Variants in VPS37D observed in about 807,000 individuals in gnomAD.
VPS37D encodes VPS37D subunit of ESCRT-I.
A neutral mutation model predicts 22.0 loss-of-function variants in VPS37D; 5 were observed. The observed-to-expected ratio is 0.23, with a 90% CI of 0.12 to 0.48. The LOEUF (loss-of-function observed/expected upper bound fraction) is 0.48. Among genes scored for constraint, VPS37D ranks in the 20% least tolerant of loss-of-function variants. The pLI is 0.99. For synonymous variants in VPS37D, 174 were observed against 159.3 expected (o/e 1.09, Z -0.69); for missense variants, 384 against 345.8 (o/e 1.11, Z -0.88).
Position 73,669,524 on chromosome 7 carries a change from C to T in VPS37D, c.244C>T (p.Leu82=), listed in dbSNP as rs782561467. The change falls in exon 2 of 4, where the codon CTG becomes TTG. Residue 82 remains leucine, a synonymous_variant. Coordinates refer to ENST00000324941, the MANE Select transcript of VPS37D (RefSeq NM_001077621.2). ...CCGCCTGGAGATGGGCCGGGCTGCC[C>T]TGGCCATCAAATACCAGGAGCTTCG... The part of the protein sequence containing the change: ...RPRLEMGRAA[L]AIKYQELREV... The T allele has an allele frequency of 2.3e-4, 367 of 1,586,010 alleles. 1 individual carries two copies. Among genetic ancestry groups the T allele is most frequent in the Non-Finnish European group, 2.9e-4 (341 of 1,166,538 alleles).
chr7:73,669,571 G>A lies in VPS37D; in HGVS notation c.291G>A (p.Ala97=), dbSNP rs61743138. ...TTCGTGAGGTGGCCGAGAACTGCGC[G>A]GACAAGCTGCAGCGACTGGGTGAGG... ...QELREVAENC[A]DKLQRLEESM... Residue 97 remains alanine, a synonymous_variant, in exon 2 of 4, where the codon GCG becomes GCA. Coordinates refer to ENST00000324941, the MANE Select transcript of VPS37D (RefSeq NM_001077621.2). The A allele has an allele frequency of 3.9e-4, 626 of 1,591,756 alleles. 2 individuals are homozygous for A. In the African/African-American group the frequency reaches 6.4e-3, roughly 16 times the overall value.
rs1797422818 is a variant in VPS37D at position 73,668,102 on chromosome 7, G to A, written c.138+6G>A. 4.6e-6 allele frequency: 5 copies of A among 1,098,286 alleles called. No individual in the cohort carries two copies. The highest frequency in any genetic ancestry group is 4.2e-5 in the South Asian group (1 of 23,588). The allele number at this position is 1,098,286 out of a possible 1,614,324, so 68.0% of individuals were successfully genotyped here. A position where few individuals can be genotyped will look rare whatever the true frequency, so the allele number is the denominator to read the frequency against. On this transcript the variant is annotated splice_donor_region_variant and intron_variant, in intron 1 of 3. Transcript: ENST00000324941. ...TCGTGCGGCTCAGCAGGAAGGTAGCGCGGGGGGCTCGAGCGGGGGGCGCGG... is the reference window on the plus strand; with the variant it reads ...TCGTGCGGCTCAGCAGGAAGGTAGCACGGGGGGCTCGAGCGGGGGGCGCGG...
Position 73,671,439 on chromosome 7 carries a change from TC to T in VPS37D, c.*68del. Reference sequence around the variant, plus strand: ...AAACTTGATGCGTGGCTCCTCCTCCTCCCCCACTGCCTGGGTGGGGGGAGGG... The same window carrying T: ...AAACTTGATGCGTGGCTCCTCCTCCTCCCCACTGCCTGGGTGGGGGGAGGG... On this transcript the variant is annotated 3_prime_UTR_variant, in exon 4 of 4. Transcript: ENST00000324941. The T allele has an allele frequency of 5.5e-6, 5 of 901,200 alleles. No individual in the cohort carries two copies. The South Asian group carries it at 8.4e-5, about 15-fold the overall frequency. 55.8% of individuals were successfully genotyped at this position (901,200 alleles called of 1,614,324 possible). A position where few individuals can be genotyped will look rare whatever the true frequency, so the allele number is the denominator to read the frequency against.
At chr7:73,665,818 T>C (rs74921870), upstream of VPS37D, among the ~76,000 whole-genome samples, 2,191 of 152,284 alleles carry the variant, frequency 0.014, 53 homozygotes, top group African/African-American at 0.05. Context: ...CTTTGTACTT[T>C]TGTAGCAGTG....
intron 3 of VPS37D, 85 bp from the exon 4 acceptor site, chr7:73,670,929 A>C: frequency 6.6e-7 from 1 of 1,524,290 alleles, no homozygotes; most frequent in Non-Finnish European, 8.8e-7. Context: ...CACCATGGGG[A>C]GGGCCTCAGG....
Position 73,667,969 on chromosome 7 carries a change from C to T in VPS37D, c.11C>T (p.Ala4Val), listed in dbSNP as rs1477553464. 7.8e-5 allele frequency: 83 copies of T among 1,063,810 alleles called. No individual in the cohort carries two copies. The highest frequency in any genetic ancestry group is 8.6e-5 in the Non-Finnish European group (76 of 880,814). The allele number at this position is 1,063,810 out of a possible 1,614,324, so 65.9% of individuals were successfully genotyped here. Reference protein sequence around the residue: MYRARAARAGPEPG... With the variant: MYRVRAARAGPEPG... ...GCGCGGGCGGGCGGCATGTACCGGG[C>T]CCGGGCGGCGCGGGCGGGGCCGGAG... Residue 4 changes from alanine to valine, a missense_variant, in exon 1 of 4, where the codon GCC becomes GTC. Ala to Val is a moderately conservative substitution (Grantham distance 64). Transcript: ENST00000324941.
chr7:73,667,674 G>A (rs1554608888), upstream of VPS37D, among the ~76,000 whole-genome samples: 1 of 152,180 alleles, frequency 6.6e-6, no homozygotes, highest in African/African-American at 2.4e-5. Context: ...CAGATTCCGG[G>A]AGGGGCGGGG....
intron 3 of VPS37D, 50 bp from the exon 4 acceptor site, chr7:73,670,964 C>T (rs782465985): frequency 3.1e-6 from 5 of 1,589,046 alleles, no homozygotes; most frequent in Non-Finnish European, 4.3e-6. Flanking sequence ...GGACCAGTCC[C>T]CAGTCTGTGG....
At chr7:73,667,276 T>C (rs1282289262), upstream of VPS37D, among the ~76,000 whole-genome samples, 1 of 151,014 alleles carries the variant, frequency 6.6e-6, no homozygotes, top group Non-Finnish European at 1.5e-5. Flanking sequence ...GCCCGGCCTC[T>C]TTTCACCCTT....
intron 2 of VPS37D, 77 bp from the exon 3 acceptor site, chr7:73,669,943 A>G: frequency 6.5e-7 from 1 of 1,547,432 alleles, no homozygotes; most frequent in South Asian, 1.2e-5. Flanking sequence ...GGAAATATAG[A>G]ATCACATGGG....
intron 2 of VPS37D, among the ~76,000 whole-genome samples, 180 bp from the exon 3 acceptor site, chr7:73,669,840 C>T (rs983182002): frequency 7.2e-5 from 11 of 152,104 alleles, no homozygotes; most frequent in African/African-American, 2.4e-4. Context: ...TGTACTAGGA[C>T]GAGGAGCAGA....
rs1797419062 is a variant in VPS37D, at chr7:73,667,966, G to C, written c.8G>C (p.Arg3Pro). The C allele has an allele frequency of 9.5e-7, 1 of 1,054,214 alleles. No homozygotes were observed. Among genetic ancestry groups the C allele is most frequent in the African/African-American group, 1.7e-5 (1 of 57,770 alleles). The allele number at this position is 1,054,214 out of a possible 1,614,324, so 65.3% of individuals were successfully genotyped here. Residue 3 changes from arginine (R) to proline (P), a missense_variant, in exon 1 of 4, where the codon CGG becomes CCG. Arg to Pro is a moderately radical substitution (Grantham distance 103). Transcript: ENST00000324941. Reference sequence around the variant, plus strand: ...GGGGCGCGGGCGGGCGGCATGTACCGGGCCCGGGCGGCGCGGGCGGGGCCG... The same window carrying C: ...GGGGCGCGGGCGGGCGGCATGTACCCGGCCCGGGCGGCGCGGGCGGGGCCG... MY[R>P]ARAARAGPEP... is the part of the protein sequence containing the mutation.
intron 1 of VPS37D, among the ~76,000 whole-genome samples, chr7:73,668,753 G>A (rs1797438766): frequency 6.6e-6 from 1 of 151,966 alleles, no homozygotes; most frequent in Admixed American, 6.5e-5. Flanking sequence ...GGGGAGGTTG[G>A]GCCCTGCTAG....
chr7:73,668,984 C>T (rs1797444424), intron 1 of VPS37D, among the ~76,000 whole-genome samples: 2 of 151,716 alleles, frequency 1.3e-5, no homozygotes, highest in Non-Finnish European at 2.9e-5. Flanking sequence ...GGTGCAAACA[C>T]CTGAGGAGGA....
chr7:73,669,915 C>A, intron 2 of VPS37D, 105 bp from the exon 3 acceptor site: 2 of 1,523,944 alleles, frequency 1.3e-6, no homozygotes, highest in Admixed American at 2.0e-5. Context: ...GAAACTGAGG[C>A]TCTAGACCAG....
intron 3 of VPS37D, 98 bp from the exon 4 acceptor site, chr7:73,670,916 G>T: frequency 6.7e-7 from 1 of 1,493,898 alleles, no homozygotes; most frequent in South Asian, 1.3e-5. Context: ...GCTGAGGGGT[G>T]ATCACCATGG....
At position 73,671,058 on chromosome 7, in the gene VPS37D, C is replaced by G. The variant is rs782764560; in HGVS notation, c.438C>G (p.Ala146=). ...QLLLGEQSLE[A]FLPAFQRGRA... ...TGCTCGGGGAGCAAAGCCTGGAGGC[C>G]TTCCTGCCTGCCTTCCAGCGTGGCC... is the stretch of plus-strand genomic sequence containing the variant. Residue 146 remains alanine (A), a synonymous_variant, in exon 4 of 4, where the codon GCC becomes GCG. Coordinates refer to ENST00000324941, the MANE Select transcript of VPS37D (RefSeq NM_001077621.2). 5 of 1,612,360 alleles carry G rather than the reference C, an allele frequency of 3.1e-6. No individual in the cohort carries two copies. The South Asian group carries it at 5.5e-5, about 18-fold the overall frequency.
At chr7:73,665,961 C>G (rs1332494258), upstream of VPS37D, among the ~76,000 whole-genome samples, 2 of 152,100 alleles carry the variant, frequency 1.3e-5, no homozygotes, top group Non-Finnish European at 2.9e-5. Context: ...AGTGATCCTC[C>G]CACCTCAGCC....
chr7:73,669,793 G>A (rs1269116503), intron 2 of VPS37D, among the ~76,000 whole-genome samples: 1 of 152,184 alleles, frequency 6.6e-6, no homozygotes, highest in Non-Finnish European at 1.5e-5. Flanking sequence ...GGGTCCCCCT[G>A]AGATGCTGAG....
Sources: allele counts gnomAD v4.1 joint callset (sites outside exome capture counted in the v4.1 genomes callset), GRCh38; gene constraint gnomAD v4.1.1; transcripts MANE v1.5; gene names NCBI Gene and HGNC (gene_info 2026-07-23, HGNC 2026-07-21).